The following PLXDC2 variants were observed in gnomAD, a reference collection of about 807,000 sequenced individuals.
PLXDC2 encodes plexin domain containing 2.
PLXDC2 carries 40 observed loss-of-function variants against 68.9 expected under a neutral mutation model. The observed-to-expected ratio is 0.58, with a 90% CI of 0.45 to 0.76. PLXDC2 has a LOEUF of 0.76. Among genes scored for constraint, PLXDC2 ranks in the 30% least tolerant of loss-of-function variants. The pLI is 0.00. For missense variants in PLXDC2, 644 were observed against 661.9 expected, an observed-to-expected ratio of 0.97 and a Z score of 0.30; for synonymous variants, 243 against 234.2, an observed-to-expected ratio of 1.04 and a Z score of -0.34.
chr10:20,143,262 T>C lies in PLXDC2; in HGVS notation c.542-33T>C, dbSNP rs994241188. 9.5e-6 allele frequency: 15 copies of C among 1,577,996 alleles called. No individual in the cohort carries two copies. The Admixed American group carries it at 1.8e-4, about 19-fold the overall frequency. On this transcript the variant is annotated intron_variant, in intron 4 of 13. Coordinates refer to ENST00000377252, the MANE Select transcript of PLXDC2 (RefSeq NM_032812.9). ...ATCATAATTTTATATGGGCTTCTTT[T>C]TCTGAATATGTTTCCTATTTTTCTA...
intron 6 of PLXDC2, among the ~76,000 whole-genome samples, chr10:20,161,146 G>A (rs1834285367): frequency 6.6e-6 from 1 of 152,056 alleles, no homozygotes; most frequent in South Asian, 2.1e-4. Context: ...CCAAAATGTA[G>A]TGGCTTAAAA....
chr10:19,943,424 C>T (rs941830280), intron 1 of PLXDC2, among the ~76,000 whole-genome samples: 11 of 152,118 alleles, frequency 7.2e-5, no homozygotes, highest in Non-Finnish European at 1.6e-4. Context: ...CTATATTTCT[C>T]CCAGAAACAA....
intron 1 of PLXDC2, among the ~76,000 whole-genome samples, chr10:19,902,773 G>A (rs917556212): frequency 2.6e-5 from 4 of 152,122 alleles, no homozygotes; most frequent in African/African-American, 7.2e-5. Context: ...CAGGGAGAAT[G>A]CTTTCAACTT....
chr10:20,195,699 C>T (rs7098999), intron 9 of PLXDC2, among the ~76,000 whole-genome samples: 140,617 of 152,166 alleles, frequency 0.92, 65,056 homozygotes, highest in Non-Finnish European at 0.95. Context: ...AAGATGTTTC[C>T]TTGATGAGGC....
chr10:19,962,754 G>C (rs1290271266), intron 1 of PLXDC2, among the ~76,000 whole-genome samples: 1 of 149,282 alleles, frequency 6.7e-6, no homozygotes, highest in African/African-American at 2.4e-5. Flanking sequence ...GGGAGGCCGA[G>C]GCTGGGCGGA....
intron 9 of PLXDC2, among the ~76,000 whole-genome samples, chr10:20,204,841 C>A (rs1475819560): frequency 1.3e-5 from 2 of 151,976 alleles, no homozygotes; most frequent in African/African-American, 4.8e-5. Context: ...TGGTCCTTTA[C>A]AAAAAAAGTC....
At chr10:20,242,804 G>T (rs951140875) in intron 12 of PLXDC2, among the ~76,000 whole-genome samples, 7 of 152,144 alleles carry the variant, frequency 4.6e-5, no homozygotes, top group Admixed American at 4.6e-4. Context: ...CCTGCCTTCA[G>T]GTTCAAGCAA....
intron 1 of PLXDC2, among the ~76,000 whole-genome samples, chr10:19,952,767 G>A (rs1329610769): frequency 6.6e-6 from 1 of 152,190 alleles, no homozygotes; most frequent in African/African-American, 2.4e-5. Context: ...AGAAGAATAG[G>A]CTAGTTGTTA....
intron 1 of PLXDC2, among the ~76,000 whole-genome samples, chr10:19,988,915 C>A (rs955080258): frequency 1.3e-5 from 2 of 149,168 alleles, no homozygotes; most frequent in African/African-American, 4.9e-5. Context: ...CTTGCCTTAG[C>A]CTCCCAAGTA....
At chr10:20,142,424 C>T (rs2131790018) in intron 4 of PLXDC2, among the ~76,000 whole-genome samples, 1 of 152,128 alleles carries the variant, frequency 6.6e-6, no homozygotes, top group South Asian at 2.1e-4. Flanking sequence ...AGCTGACTCT[C>T]CTTTCAGACA....
intron 9 of PLXDC2, among the ~76,000 whole-genome samples, chr10:20,198,460 T>C (rs1834871121): frequency 6.6e-6 from 1 of 152,124 alleles, no homozygotes; most frequent in South Asian, 2.1e-4. Context: ...TTATTTTTAA[T>C]TTTTGTGGGT....
chr10:20,077,077 GTCATCAAAGCATAAAGATAA>G (rs1836464527), intron 4 of PLXDC2, among the ~76,000 whole-genome samples: 1 of 151,642 alleles, frequency 6.6e-6, no homozygotes, highest in Non-Finnish European at 1.5e-5. Context: ...GTAGGGACAA[GTCATCAAAGCATAAAGATAA>G]TCAAGGGTAA....
intron 4 of PLXDC2, among the ~76,000 whole-genome samples, chr10:20,105,407 C>T (rs1055283633): frequency 3.9e-5 from 6 of 152,170 alleles, no homozygotes; most frequent in African/African-American, 1.4e-4. Context: ...CACTGCCAAC[C>T]TCGAATGACT....
Position 20,141,331 on chromosome 10 carries a change from A to G in PLXDC2, c.542-1964A>G, listed in dbSNP as rs541133850. On this transcript the variant is annotated intron_variant, in intron 4 of 13. Coordinates refer to ENST00000377252, the MANE Select transcript of PLXDC2 (RefSeq NM_032812.9). ...AAGTTTGAAGTGTCTGAAATCATCA[A>G]TGCTCTTACATTTTGCAACAGTGTA... 1.3e-3 allele frequency among the ~76,000 whole-genome samples: 203 copies of G among 152,176 alleles called. 1 individual carries two copies. Among genetic ancestry groups the G allele is most frequent in the African/African-American group, 3.9e-3 (160 of 41,554 alleles).
At position 20,180,905 on chromosome 10, in the gene PLXDC2, G is replaced by A. The variant is rs149767954; in HGVS notation, c.1061+3496G>A. On this transcript the variant is annotated intron_variant, in intron 9 of 13. Coordinates refer to ENST00000377252, the MANE Select transcript of PLXDC2 (RefSeq NM_032812.9). ...AATACCTAATCAATCACTTTCAACT[G>A]TACCTTATAGCTTCACTCATTCCAC... Among the ~76,000 whole-genome samples, 1,198 of 152,082 alleles carry A rather than the reference G, an allele frequency of 7.9e-3. 18 individuals carry two copies. Among genetic ancestry groups the A allele is most frequent in the African/African-American group, 0.028 (1,152 of 41,516 alleles).
chr10:20,161,052 G>C (rs922378040), intron 6 of PLXDC2, among the ~76,000 whole-genome samples: 2 of 152,128 alleles, frequency 1.3e-5, no homozygotes, highest in Admixed American at 6.6e-5. Flanking sequence ...TCATTTTATG[G>C]AGAAACACCC....
intron 13 of PLXDC2, among the ~76,000 whole-genome samples, chr10:20,267,704 A>T (rs995323084): frequency 6.6e-6 from 1 of 152,168 alleles, no homozygotes; most frequent in Admixed American, 6.6e-5. Context: ...AGAACAAATG[A>T]CCTAAATAAT....
chr10:19,905,264 A>G (rs1169753378), intron 1 of PLXDC2, among the ~76,000 whole-genome samples: 2 of 152,232 alleles, frequency 1.3e-5, no homozygotes, highest in Non-Finnish European at 2.9e-5. Context: ...CATGAATCCA[A>G]AACGATAGTC....
intron 7 of PLXDC2, among the ~76,000 whole-genome samples, chr10:20,169,942 G>T (rs1380053834): frequency 1.3e-5 from 2 of 151,964 alleles, no homozygotes; most frequent in African/African-American, 4.8e-5. Context: ...TTAACATCAG[G>T]CCTCTTCGTA....
Sources: allele counts gnomAD v4.1 joint callset (sites outside exome capture counted in the v4.1 genomes callset), GRCh38; gene constraint gnomAD v4.1.1; transcripts MANE v1.5; gene names NCBI Gene and HGNC (gene_info 2026-07-23, HGNC 2026-07-21).